CTNNA3: variants seen among roughly 807,000 people sequenced by gnomAD.
CTNNA3 encodes the protein catenin alpha 3.
A neutral mutation model predicts 95.7 loss-of-function variants in CTNNA3; 76 were observed. That is an observed-to-expected ratio of 0.79 (90% confidence interval 0.66 to 0.96). The LOEUF is 0.96. Ranked by LOEUF, CTNNA3 falls within the 40% of genes least tolerant of loss-of-function variation. The pLI, the probability that CTNNA3 is intolerant of heterozygous loss-of-function variation, is 0.00. For missense variants in CTNNA3, 1,191 were observed against 1,089.8 expected (o/e 1.09, Z -1.31); for synonymous variants, 431 against 374.4 (o/e 1.15, Z -1.74).
intron 12 of CTNNA3, among the ~76,000 whole-genome samples, chr10:66,282,755 C>T (rs1589028085): frequency 6.6e-6 from 1 of 151,930 alleles, no homozygotes. Flanking sequence ...GATGGACACT[C>T]AATAAGTTGT....
chr10:66,304,529 C>T (rs1232085492), intron 12 of CTNNA3, among the ~76,000 whole-genome samples: 1 of 152,062 alleles, frequency 6.6e-6, no homozygotes, highest in Admixed American at 6.6e-5. Context: ...CACTAATAAT[C>T]CATACGCTCA....
At chr10:67,025,037 G>C (rs917305403) in intron 7 of CTNNA3, among the ~76,000 whole-genome samples, 2 of 151,084 alleles carry the variant, frequency 1.3e-5, no homozygotes, top group African/African-American at 4.9e-5. Context: ...GGCTGAGGCA[G>C]GAGAATCACT....
intron 7 of CTNNA3, among the ~76,000 whole-genome samples, chr10:66,847,838 C>T (rs1438528373): frequency 6.6e-6 from 1 of 152,022 alleles, no homozygotes; most frequent in African/African-American, 2.4e-5. Context: ...TTTCCACATA[C>T]TATTTTATCA....
intron 7 of CTNNA3, among the ~76,000 whole-genome samples, chr10:67,016,245 G>A (rs1333327701): frequency 1.3e-5 from 2 of 152,208 alleles, no homozygotes; most frequent in African/African-American, 4.8e-5. Context: ...ATGGGGAGGG[G>A]AAGAGGAAGG....
rs10606169 is a variant in CTNNA3, at chr10:66,515,265, ATATCTATC to A, written c.1531+5344_1531+5351del. 2.0e-4 allele frequency among the ~76,000 whole-genome samples: 29 copies of A among 146,008 alleles called. 3 individuals are homozygous for A. The highest frequency in any genetic ancestry group is 4.4e-4 in the South Asian group (2 of 4,584). ...AATCTGTTTTGGACCCTTATTCCCT[ATATCTATC>A]TATCTATCTATCTATCTATCTATCT... On this transcript the variant is annotated intron_variant, in intron 11 of 17. Coordinates refer to ENST00000433211, the MANE Select transcript of CTNNA3 (RefSeq NM_013266.4).
chr10:67,158,363 C>T (rs1423299481), intron 7 of CTNNA3, among the ~76,000 whole-genome samples: 3 of 152,134 alleles, frequency 2.0e-5, no homozygotes, highest in South Asian at 2.1e-4. Flanking sequence ...CTGAATCATA[C>T]GGTTGCAAGC....
At chr10:66,498,149 A>G (rs924626903) in intron 11 of CTNNA3, among the ~76,000 whole-genome samples, 1 of 152,050 alleles carries the variant, frequency 6.6e-6, no homozygotes, top group African/African-American at 2.4e-5. Context: ...AGTAAATCAT[A>G]TTTCTGACAA....
At chr10:66,355,704 G>A (rs2092603256) in intron 12 of CTNNA3, among the ~76,000 whole-genome samples, 1 of 148,218 alleles carries the variant, frequency 6.7e-6, no homozygotes, top group Non-Finnish European at 1.5e-5. Context: ...CTTTCACAGA[G>A]GATTTTTTTT....
intron 5 of CTNNA3, among the ~76,000 whole-genome samples, chr10:67,309,879 T>C (rs1299448427): frequency 6.6e-6 from 1 of 152,180 alleles, no homozygotes; most frequent in Non-Finnish European, 1.5e-5. Flanking sequence ...AACATTGTTC[T>C]GTACCAAGAA....
chr10:66,792,631 T>C (rs7078170), intron 7 of CTNNA3, among the ~76,000 whole-genome samples: 37,112 of 152,078 alleles, frequency 0.24, 5,226 homozygotes, highest in African/African-American at 0.39. Context: ...CACAACTCTA[T>C]ACAATCCACT....
intron 3 of CTNNA3, among the ~76,000 whole-genome samples, chr10:67,581,880 G>C (rs1420663628): frequency 6.6e-6 from 1 of 152,098 alleles, no homozygotes; most frequent in Non-Finnish European, 1.5e-5. Flanking sequence ...ATGGTAGTTT[G>C]TATTTCTGTG....
chr10:66,907,564 C>A (rs957531203), intron 7 of CTNNA3, among the ~76,000 whole-genome samples: 1 of 152,074 alleles, frequency 6.6e-6, no homozygotes, highest in Admixed American at 6.6e-5. Context: ...CAAAGAAAAA[C>A]TTGTATTATG....
chr10:66,139,531 T>C (rs1483371349), intron 13 of CTNNA3, among the ~76,000 whole-genome samples: 1 of 152,174 alleles, frequency 6.6e-6, no homozygotes, highest in African/African-American at 2.4e-5. Context: ...CCTCTTTATG[T>C]GTGTTCAGAG....
chr10:66,133,517 A>AAAAAAAC (rs1012418115), intron 13 of CTNNA3, among the ~76,000 whole-genome samples: 18 of 151,946 alleles, frequency 1.2e-4, no homozygotes, highest in African/African-American at 3.6e-4. Context: ...TGTCTTAAAA[A>AAAAAAAC]AAAAAACAAA....
intron 7 of CTNNA3, among the ~76,000 whole-genome samples, chr10:67,026,082 G>A (rs550290187): frequency 2.2e-3 from 330 of 147,940 alleles, no homozygotes; most frequent in African/African-American, 7.6e-3. Flanking sequence ...CACAGGAAGG[G>A]GAACATCACA....
chr10:66,066,074 G>T (rs1298803429), intron 15 of CTNNA3, among the ~76,000 whole-genome samples: 1 of 151,908 alleles, frequency 6.6e-6, no homozygotes, highest in Non-Finnish European at 1.5e-5. Flanking sequence ...TGTTGGTCAG[G>T]CTGGTCTCGA....
chr10:66,565,313 A>G (rs576695753), intron 10 of CTNNA3, among the ~76,000 whole-genome samples: 2 of 151,886 alleles, frequency 1.3e-5, no homozygotes, highest in South Asian at 2.1e-4. Flanking sequence ...TACATAAGAG[A>G]TGGAGAGAGA....
intron 11 of CTNNA3, among the ~76,000 whole-genome samples, chr10:66,437,836 A>C (rs555665359): frequency 1.3e-5 from 2 of 152,118 alleles, no homozygotes; most frequent in Non-Finnish European, 2.9e-5. Context: ...TTGTGGATTT[A>C]TCTACCTTTG....
chr10:67,188,049 C>T (rs1862942283), intron 6 of CTNNA3, among the ~76,000 whole-genome samples: 2 of 152,210 alleles, frequency 1.3e-5, no homozygotes, highest in Non-Finnish European at 1.5e-5. Context: ...CCTCACAGGG[C>T]TCACATCTCA....
Sources: gnomAD v4.1 joint callset for allele counts (sites outside exome capture counted in the v4.1 genomes callset) on GRCh38, gnomAD v4.1.1 for gene constraint, MANE v1.5 for transcripts, NCBI Gene and HGNC (gene_info 2026-07-23, HGNC 2026-07-21) for gene names.